CCDC88C: variants seen among roughly 807,000 people sequenced by gnomAD.
The protein encoded by CCDC88C is coiled-coil and HOOK domain protein 88C.
Under a neutral mutation model 198.8 loss-of-function variants are expected in CCDC88C, and 131 were observed. The observed-to-expected ratio is 0.66, with a 90% CI of 0.57 to 0.76. The LOEUF is 0.76. Ranked by LOEUF, CCDC88C falls within the 30% of genes least tolerant of loss-of-function variation. The pLI, the probability that CCDC88C is intolerant of heterozygous loss-of-function variation, is 0.00. For missense variants in CCDC88C, 2,553 were observed against 2,631.6 expected (o/e 0.97, Z 0.65); for synonymous variants, 1,166 against 1,114.7 (o/e 1.05, Z -0.92).
At chr14:91,294,985 T>C (rs892384562) in intron 22 of CCDC88C, among the ~76,000 whole-genome samples, 2 of 152,028 alleles carry the variant, frequency 1.3e-5, no homozygotes, top group Non-Finnish European at 2.9e-5. Flanking sequence ...TGTTCTAGAG[T>C]ATGATTGGGG....
chr14:91,328,633 C>T (rs1344858082), intron 10 of CCDC88C, among the ~76,000 whole-genome samples: 1 of 152,194 alleles, frequency 6.6e-6, no homozygotes, highest in African/African-American at 2.4e-5. Context: ...AGTGATTAGG[C>T]ACGGGAGCTA....
chr14:91,360,607 A>G (rs1466410383), intron 3 of CCDC88C, among the ~76,000 whole-genome samples: 1 of 152,204 alleles, frequency 6.6e-6, no homozygotes, highest in Non-Finnish European at 1.5e-5. Flanking sequence ...CGAGGGATAC[A>G]TCAGAGCTGC....
chr14:91,293,595 ATGGCC>A (rs1567056073), intron 23 of CCDC88C, among the ~76,000 whole-genome samples: 13 of 134,978 alleles, frequency 9.6e-5, no homozygotes, highest in East Asian at 2.2e-4. Flanking sequence ...CTCGCCTGCC[ATGGCC>A]CACCTCCTGT....
intron 3 of CCDC88C, among the ~76,000 whole-genome samples, chr14:91,377,916 G>A (rs1416937310): frequency 6.6e-6 from 1 of 151,746 alleles, no homozygotes; most frequent in Non-Finnish European, 1.5e-5. Context: ...AGGCTTCCCA[G>A]GAGCACACGA....
intron 3 of CCDC88C, among the ~76,000 whole-genome samples, chr14:91,397,787 C>T (rs779645028): frequency 1.3e-5 from 2 of 152,184 alleles, no homozygotes; most frequent in African/African-American, 2.4e-5. Flanking sequence ...GCACACCACA[C>T]GCAGCACCCC....
chr14:91,293,886 T>C lies in CCDC88C; in HGVS notation c.4112+287A>G, dbSNP rs1283880368. On this transcript the variant is annotated intron_variant, in intron 23 of 29. Transcript: ENST00000389857. ...TCTCCCCCTTGAGATACTTCAGTGT[T>C]CTCATGATTTTTTCAAGTGAATTTA... is the stretch of plus-strand genomic sequence containing the variant. 2.0e-5 allele frequency among the ~76,000 whole-genome samples: 3 copies of C among 152,200 alleles called. No individual in the cohort carries two copies. The East Asian group carries it at 5.8e-4, about 29-fold the overall frequency.
chr14:91,342,335 G>A (rs1458483931), intron 6 of CCDC88C, 45 bp downstream of exon 6: 2 of 1,233,958 alleles, frequency 1.6e-6, no homozygotes, highest in South Asian at 1.3e-5. Flanking sequence ...GCCACCACAG[G>A]AGCAGCAGTC....
At chr14:91,353,008 G>A (rs779980266) in intron 4 of CCDC88C, among the ~76,000 whole-genome samples, 2 of 151,666 alleles carry the variant, frequency 1.3e-5, no homozygotes, top group Non-Finnish European at 2.9e-5. Context: ...GGGCTGTGCC[G>A]TGTGGGCTAC....
intron 3 of CCDC88C, among the ~76,000 whole-genome samples, chr14:91,378,102 ACACG>A (rs1345794084): frequency 6.6e-6 from 1 of 152,230 alleles, no homozygotes; most frequent in Admixed American, 6.5e-5. Flanking sequence ...ATTAAAAGAC[ACACG>A]CACATGTGGA....
At chr14:91,305,700 C>A in intron 19 of CCDC88C, 65 bp downstream of exon 19, 2 of 1,516,654 alleles carry the variant, frequency 1.3e-6, no homozygotes, top group South Asian at 2.5e-5. Flanking sequence ...CCCAGTTGGT[C>A]CCCAGGAGCC....
intron 29 of CCDC88C, among the ~76,000 whole-genome samples, chr14:91,277,056 G>A (rs560210004): frequency 6.6e-6 from 1 of 152,290 alleles, no homozygotes; most frequent in South Asian, 2.1e-4. Flanking sequence ...TGCAACCTCC[G>A]CCTCCCGGTT....
intron 3 of CCDC88C, among the ~76,000 whole-genome samples, chr14:91,373,223 G>C (rs1293102300): frequency 6.6e-6 from 1 of 152,142 alleles, no homozygotes; most frequent in Non-Finnish European, 1.5e-5. Context: ...TCTGGCCTCA[G>C]GAGGGCCAAG....
At chr14:91,305,703 C>G (rs1315910297) in intron 19 of CCDC88C, 62 bp downstream of exon 19, 2 of 1,529,854 alleles carry the variant, frequency 1.3e-6, no homozygotes, top group Non-Finnish European at 1.8e-6. Flanking sequence ...AGTTGGTCCC[C>G]AGGAGCCACA....
At chr14:91,391,888 C>G (rs891381973) in intron 3 of CCDC88C, among the ~76,000 whole-genome samples, 2 of 152,132 alleles carry the variant, frequency 1.3e-5, no homozygotes, top group Non-Finnish European at 2.9e-5. Context: ...TACTCTGGAG[C>G]TGAAAGTCCG....
intron 3 of CCDC88C, among the ~76,000 whole-genome samples, chr14:91,366,511 G>GAAAC (rs140008457): frequency 0.058 from 8,776 of 151,856 alleles, 841 homozygotes; most frequent in African/African-American, 0.2. Context: ...AAAAAAACAA[G>GAAAC]AAACAAACAA....
chr14:91,284,440 C>G lies in CCDC88C; in HGVS notation c.4442-923G>C, dbSNP rs1263718453. On this transcript the variant is annotated intron_variant, in intron 25 of 29. Transcript: ENST00000389857. This position sits in a 1 kb window ranked among gnomAD's most constrained non-coding sequence, Gnocchi z 4.1. ...TTTGAAAGATAACCTTGATGAGAAG[C>G]AAGATTCAAGTCTGCCTGAATCGGG... Among the ~76,000 whole-genome samples, 2 of 151,994 alleles carry G rather than the reference C, an allele frequency of 1.3e-5. No homozygotes were observed. Among genetic ancestry groups the G allele is most frequent in the Non-Finnish European group, 2.9e-5 (2 of 67,896 alleles).
intron 25 of CCDC88C, among the ~76,000 whole-genome samples, chr14:91,287,877 C>A (rs1890482821): frequency 6.6e-6 from 1 of 152,112 alleles, no homozygotes; most frequent in African/African-American, 2.4e-5. Context: ...GATAAATAAT[C>A]TCCCCAAAAT....
chr14:91,319,393 T>C (rs1464147553), intron 13 of CCDC88C, among the ~76,000 whole-genome samples: 1 of 152,226 alleles, frequency 6.6e-6, no homozygotes, highest in African/African-American at 2.4e-5. Context: ...ACAGCTGTCA[T>C]TAAAACAGAA....
In CCDC88C at chr14:91,313,790, G is replaced by A. The variant is rs374315005; in HGVS notation, c.2026C>T (p.Arg676Trp). Residue 676 changes from arginine (R) to tryptophan (W), a missense_variant, in exon 15 of 30, where the codon CGG (arginine) becomes TGG (tryptophan). Physicochemically the swap from Arg to Trp is moderately radical, Grantham distance 101 (BLOSUM62 -3). Coordinates refer to ENST00000389857, the MANE Select transcript of CCDC88C (RefSeq NM_001080414.4). The surrounding 1 kb of genome is among the most constrained non-coding windows in gnomAD (Gnocchi z 5.2). Reference sequence around the variant, plus strand: ...GTGTCCAGAGACTTCCTCAGAGTCCGGTTCTCCAGCTGCAGGCCCTGGCTC... The same window carrying A: ...GTGTCCAGAGACTTCCTCAGAGTCCAGTTCTCCAGCTGCAGGCCCTGGCTC... ...HESQGLQLEN[R>W]TLRKSLDTLQ... 22 of 1,606,090 alleles carry A rather than the reference G, an allele frequency of 1.4e-5. No homozygotes were observed. The highest frequency in any genetic ancestry group is 9.4e-5 in the African/African-American group (7 of 74,772).
Sources: allele counts gnomAD v4.1 joint callset (sites outside exome capture counted in the v4.1 genomes callset), GRCh38; gene constraint gnomAD v4.1.1; non-coding constraint Gnocchi (gnomAD v3.1); transcripts MANE v1.5; gene names NCBI Gene and HGNC (gene_info 2026-07-23, HGNC 2026-07-21).